The following FBRSL1 variants were observed in gnomAD, a reference collection of about 807,000 sequenced individuals.
The protein encoded by FBRSL1 is fibrosin-1-like protein.
Under a neutral mutation model 89.6 loss-of-function variants are expected in FBRSL1, and 51 were observed. That is an observed-to-expected ratio of 0.57 (90% CI 0.45 to 0.72). The LOEUF (loss-of-function observed/expected upper bound fraction) is 0.72. FBRSL1 is among the 30% of genes least tolerant of loss of function. FBRSL1 has a pLI of 0.00. For missense variants in FBRSL1, 1,618 were observed against 1,451.8 expected (o/e 1.11, Z -1.86); for synonymous variants, 779 against 681.1 (o/e 1.14, Z -2.24).
At chr12:132,556,373 T>TA (rs1374715856) in intron 5 of FBRSL1, among the ~76,000 whole-genome samples, 4 of 152,220 alleles carry the variant, frequency 2.6e-5, no homozygotes, top group Admixed American at 2.6e-4. Flanking sequence ...GGCTGTGGCC[T>TA]ACACAGGCCG....
At position 132,583,744 on chromosome 12, in the gene FBRSL1, C is replaced by CGTCCCGAA; in HGVS notation, c.2976_2983dup (p.Asn995SerfsTer91). The CGTCCCGAA allele has an allele frequency of 8.2e-7, 1 of 1,217,272 alleles. No homozygotes were observed. Among genetic ancestry groups the CGTCCCGAA allele is most frequent in the Non-Finnish European group, 1.0e-6 (1 of 978,588 alleles). The allele number at this position is 1,217,272 out of a possible 1,614,324, so 75.4% of individuals were successfully genotyped here. ...CCGGGCGAGGCGCGCGACTACTCCC[C>CGTCCCGAA]GTCCCGAAATCCCCCGGAGGTGGAG... On this transcript the variant is annotated frameshift_variant, in exon 19 of 19. Transcript: ENST00000680143. LOFTEE classifies it high-confidence loss of function.
At chr12:132,493,812 C>T (rs12318629) in intron 1 of FBRSL1, among the ~76,000 whole-genome samples, 29,116 of 152,236 alleles carry the variant, frequency 0.19, 3,022 homozygotes, top group Middle Eastern at 0.29. Flanking sequence ...GAGGAGTCCC[C>T]GCTTGTCCTG....
chr12:132,523,769 C>T (rs1246463560), intron 2 of FBRSL1, among the ~76,000 whole-genome samples: 1 of 152,194 alleles, frequency 6.6e-6, no homozygotes, highest in Non-Finnish European at 1.5e-5. Flanking sequence ...GTTCCTGGAG[C>T]GGGCTGGAAA....
intron 2 of FBRSL1, among the ~76,000 whole-genome samples, chr12:132,517,630 G>A (rs7300693): frequency 1.3e-5 from 2 of 152,212 alleles, no homozygotes; most frequent in Admixed American, 6.5e-5. Context: ...TAGACCAGGC[G>A]GTCAGGGAAG....
chr12:132,574,094 C>A lies in FBRSL1; in HGVS notation c.1535C>A (p.Ser512Ter). 1 of 1,333,170 alleles carries A rather than the reference C, an allele frequency of 7.5e-7. No individual in the cohort carries two copies. Among genetic ancestry groups the A allele is most frequent in the Non-Finnish European group, 9.6e-7 (1 of 1,045,694 alleles). 82.6% of individuals were successfully genotyped at this position (1,333,170 alleles called of 1,614,324 possible). A position where few individuals can be genotyped will look rare whatever the true frequency, so the allele number is the denominator to read the frequency against. Residue 512 changes from serine to a stop codon, truncating the protein, a stop_gained, in exon 12 of 19, where the codon TCA becomes TAA. Transcript: ENST00000680143. LOFTEE classifies it high-confidence loss of function. ...SLQGAFQPKT[S>*]SPIEVARRAG... ...GCTGTCTCTTTCTCCCCTCAGACTT[C>A]AAGCCCCATTGAGGTGGCCCGCCGG...
intron 11 of FBRSL1, among the ~76,000 whole-genome samples, 165 bp downstream of exon 11, chr12:132,572,787 G>A (rs987017964): frequency 6.6e-6 from 1 of 152,328 alleles, no homozygotes. Flanking sequence ...CAGGATGGGG[G>A]GCCCTGCGGT....
intron 2 of FBRSL1, among the ~76,000 whole-genome samples, chr12:132,515,858 C>T (rs868795864): frequency 7.1e-6 from 1 of 141,386 alleles, no homozygotes; most frequent in African/African-American, 2.6e-5. Context: ...TGAGATCACG[C>T]CACTGCACTC....
intron 5 of FBRSL1, among the ~76,000 whole-genome samples, chr12:132,560,842 G>A (rs1006143338): frequency 6.6e-6 from 1 of 152,236 alleles, no homozygotes; most frequent in Non-Finnish European, 1.5e-5. Flanking sequence ...AGGCAGAGGC[G>A]GCTGCTCGTG....
chr12:132,537,955 C>G (rs1280510260), intron 4 of FBRSL1, among the ~76,000 whole-genome samples: 1 of 152,166 alleles, frequency 6.6e-6, no homozygotes, highest in Non-Finnish European at 1.5e-5. Context: ...GCGCAGTGGC[C>G]ACCACTGCAC....
intron 9 of FBRSL1, 86 bp from the exon 10 acceptor site, chr12:132,572,202 G>C: frequency 7.7e-7 from 1 of 1,292,602 alleles, no homozygotes; most frequent in Non-Finnish European, 1.1e-6. Context: ...TCCTGTCACT[G>C]CCCAGCCCGG....
In FBRSL1 at chr12:132,527,987, CTG is replaced by C; in HGVS notation, c.615+1_615+2del. Reference sequence around the variant, plus strand: ...CATGCGGTCTCGGGGAGAGGCTACTCTGTAAGTCTCCCAGCACCCCTCCTCCA... The same window carrying C: ...CATGCGGTCTCGGGGAGAGGCTACTCTAAGTCTCCCAGCACCCCTCCTCCA... On this transcript the variant is annotated splice_donor_variant and coding_sequence_variant, in exon 4 of 19. Transcript: ENST00000680143. LOFTEE classifies it high-confidence loss of function. 3 of 1,551,274 alleles carry C rather than the reference CTG, an allele frequency of 1.9e-6. No homozygotes were observed. The highest frequency in any genetic ancestry group is 1.2e-5 in the South Asian group (1 of 84,056).
chr12:132,541,758 A>G (rs2037289784), intron 4 of FBRSL1, among the ~76,000 whole-genome samples: 1 of 152,220 alleles, frequency 6.6e-6, no homozygotes, highest in Non-Finnish European at 1.5e-5. Flanking sequence ...ATTGGAATGC[A>G]TTGCATATCC....
chr12:132,578,827 GGGT>G (rs2138085133), intron 15 of FBRSL1, among the ~76,000 whole-genome samples: 1 of 152,364 alleles, frequency 6.6e-6, no homozygotes, highest in South Asian at 2.1e-4. Context: ...GTCCACATAA[GGGT>G]GATGGGCGTG....
chr12:132,543,188 G>A (rs1008809526), intron 4 of FBRSL1, among the ~76,000 whole-genome samples: 2 of 152,226 alleles, frequency 1.3e-5, no homozygotes, highest in African/African-American at 2.4e-5. Context: ...GGCCGCCAGC[G>A]GCTGCTGTCC....
intron 16 of FBRSL1, 87 bp from the exon 17 acceptor site, chr12:132,581,654 A>G: frequency 6.7e-7 from 1 of 1,499,742 alleles, no homozygotes; most frequent in Middle Eastern, 1.7e-4. Flanking sequence ...CACCAGGCCC[A>G]AAGCCTCTAC....
At chr12:132,529,743 C>G (rs1214700273) in intron 4 of FBRSL1, among the ~76,000 whole-genome samples, 2 of 152,044 alleles carry the variant, frequency 1.3e-5, no homozygotes, top group Non-Finnish European at 2.9e-5. Context: ...CCACCCTGGG[C>G]TCTTCTCTGC....
chr12:132,516,552 C>T (rs1371716997), intron 2 of FBRSL1, among the ~76,000 whole-genome samples: 1 of 152,168 alleles, frequency 6.6e-6, no homozygotes, highest in African/African-American at 2.4e-5. Context: ...GTCTTCAGTG[C>T]CACCTCCCCC....
chr12:132,508,533 C>G (rs1240536849), intron 2 of FBRSL1, among the ~76,000 whole-genome samples, 183 bp downstream of exon 2: 1 of 152,182 alleles, frequency 6.6e-6, no homozygotes, highest in Non-Finnish European at 1.5e-5. Context: ...AGGCAGGAGC[C>G]GGCTGGGTCA....
intron 4 of FBRSL1, among the ~76,000 whole-genome samples, chr12:132,532,384 C>T (rs1482551489): frequency 6.6e-6 from 1 of 152,126 alleles, no homozygotes; most frequent in Non-Finnish European, 1.5e-5. Flanking sequence ...ACCCAGAATT[C>T]TCCTCCATGC....
Sources: gnomAD v4.1 joint callset for allele counts (sites outside exome capture counted in the v4.1 genomes callset) on GRCh38, gnomAD v4.1.1 for gene constraint, MANE v1.5 for transcripts, NCBI Gene and HGNC (gene_info 2026-07-23, HGNC 2026-07-21) for gene names.